WWOX: variants seen among roughly 807,000 people sequenced by gnomAD.
WWOX encodes the protein WW domain-containing oxidoreductase.
In WWOX, 69 loss-of-function variants were observed where a neutral mutation model predicts 46.2. The observed-to-expected ratio is 1.49, with a 90% CI of 1.23 to 1.82. The LOEUF (loss-of-function observed/expected upper bound fraction) is 1.82, where lower values mean the gene tolerates loss of function less well. WWOX is among the 40% of genes most tolerant of loss of function. The pLI, the probability that WWOX is intolerant of heterozygous loss-of-function variation, is 0.00. For missense variants in WWOX, 919 were observed against 542.6 expected, an observed-to-expected ratio of 1.69 and a Z score of -6.89; for synonymous variants, 359 against 202.6, an observed-to-expected ratio of 1.77 and a Z score of -6.56.
chr16:79,047,233 C>A (rs1037853163), intron 8 of WWOX, among the ~76,000 whole-genome samples: 3 of 152,046 alleles, frequency 2.0e-5, no homozygotes, highest in Admixed American at 2.0e-4. Flanking sequence ...ATTGTCCTTA[C>A]CCTCATGGAT....
intron 8 of WWOX, among the ~76,000 whole-genome samples, chr16:79,120,974 G>A (rs907313271): frequency 4.6e-5 from 7 of 152,166 alleles, no homozygotes; most frequent in Admixed American, 2.0e-4. Context: ...TCACCATGTT[G>A]GCCAGGCTGG....
At chr16:79,180,126 C>G (rs138498742) in intron 8 of WWOX, among the ~76,000 whole-genome samples, 89 of 152,272 alleles carry the variant, frequency 5.8e-4, no homozygotes, top group African/African-American at 1.9e-3. Context: ...TTAGAAGAGA[C>G]TCTGGGGAAT....
chr16:79,002,909 G>A (rs62038700), intron 8 of WWOX, among the ~76,000 whole-genome samples: 2,970 of 152,302 alleles, frequency 0.02, 57 homozygotes, highest in Non-Finnish European at 0.031. Context: ...CCTGTACTCC[G>A]TAATGCAGAA....
chr16:78,772,574 A>G lies in WWOX; in HGVS notation c.1056+339822A>G, dbSNP rs183900814. ...TATTATCTTCCCTTTTGTAGGTAAC[A>G]AATACTTTGGAAGAGATTAAACAAA... On this transcript the variant is annotated intron_variant, in intron 8 of 8. Coordinates refer to ENST00000566780, the MANE Select transcript of WWOX (RefSeq NM_016373.4). Among the ~76,000 whole-genome samples the G allele has an allele frequency of 3.6e-4, 55 of 152,326 alleles. 1 individual carries two copies. In the East Asian group the frequency reaches 6.0e-3, roughly 17 times the overall value.
At chr16:78,380,119 C>CGAGGGAAA (rs1262073160) in intron 5 of WWOX, among the ~76,000 whole-genome samples, 13 of 152,312 alleles carry the variant, frequency 8.5e-5, no homozygotes, top group African/African-American at 2.9e-4. Context: ...GAGAAGTGTA[C>CGAGGGAAA]TTGGGCTACC....
intron 6 of WWOX, among the ~76,000 whole-genome samples, chr16:78,411,484 G>T (rs988813876): frequency 6.6e-6 from 1 of 152,142 alleles, no homozygotes; most frequent in Non-Finnish European, 1.5e-5. Flanking sequence ...CAAGTGAGGG[G>T]CGTACTCATC....
chr16:78,451,952 A>G (rs79418583), intron 8 of WWOX, among the ~76,000 whole-genome samples: 3,035 of 152,220 alleles, frequency 0.02, 40 homozygotes, highest in African/African-American at 0.041. Flanking sequence ...TTAGTTCAAC[A>G]CTGTCTTTTT....
chr16:78,440,628 T>TTTTTA (rs2083423653), intron 8 of WWOX, among the ~76,000 whole-genome samples: 4 of 150,466 alleles, frequency 2.7e-5, no homozygotes, highest in African/African-American at 7.5e-5. Context: ...TTTTTTTCTT[T>TTTTTA]TTTTTTGAGA....
chr16:78,228,921 A>T (rs552449042), intron 5 of WWOX, among the ~76,000 whole-genome samples: 1 of 152,302 alleles, frequency 6.6e-6, no homozygotes, highest in East Asian at 1.9e-4. Context: ...TGTGGTGATT[A>T]TGCGGAAGGT....
At chr16:78,955,707 T>A (rs2046151947) in intron 8 of WWOX, among the ~76,000 whole-genome samples, 1 of 151,856 alleles carries the variant, frequency 6.6e-6, no homozygotes, top group Admixed American at 6.6e-5. Flanking sequence ...CTGGATGGAG[T>A]GCAGTGGCCC....
chr16:79,022,021 G>C (rs548995357), intron 8 of WWOX, among the ~76,000 whole-genome samples: 1 of 152,320 alleles, frequency 6.6e-6, no homozygotes, highest in South Asian at 2.1e-4. Flanking sequence ...ATATTGACCA[G>C]CTTTGACACA....
rs184237180 is a variant in WWOX at position 78,437,029 on chromosome 16, C to G, written c.1056+4277C>G. Among the ~76,000 whole-genome samples, 89 of 152,316 alleles carry G rather than the reference C, an allele frequency of 5.8e-4. 1 individual carries two copies. Among genetic ancestry groups the G allele is most frequent in the Admixed American group, 1.4e-3 (22 of 15,304 alleles). On this transcript the variant is annotated intron_variant, in intron 8 of 8. Transcript: ENST00000566780. ...CCTATCACCAGATGGCTAGTGTGCT[C>G]TGCCTTGTCTGCCTTTTACCTTAGA...
chr16:78,665,934 C>T (rs918859598), intron 8 of WWOX, among the ~76,000 whole-genome samples: 5 of 151,940 alleles, frequency 3.3e-5, no homozygotes, highest in African/African-American at 1.2e-4. Flanking sequence ...ATCTGCCCAC[C>T]TTGGCCTCCC....
At chr16:78,944,793 G>A (rs2045918602) in intron 8 of WWOX, among the ~76,000 whole-genome samples, 1 of 152,176 alleles carries the variant, frequency 6.6e-6, no homozygotes, top group Non-Finnish European at 1.5e-5. Context: ...CCCTGTAAGT[G>A]AAATTGGAGA....
Position 78,327,080 on chromosome 16 carries a change from C to T in WWOX, c.517-59780C>T, listed in dbSNP as rs115158218. Among the ~76,000 whole-genome samples, 434 of 152,312 alleles carry T rather than the reference C, an allele frequency of 2.8e-3. 4 individuals carry two copies. Among genetic ancestry groups the T allele is most frequent in the African/African-American group, 9.9e-3 (412 of 41,578 alleles). On this transcript the variant is annotated intron_variant, in intron 5 of 8. Transcript: ENST00000566780. ...GCACTGCCCCCCAGGAGCATCCATG[C>T]ACCTCAAATCCTGACCTTGTGACTT...
At chr16:78,237,691 A>G (rs1255351918) in intron 5 of WWOX, 1 of 152,220 alleles carries the variant, frequency 6.6e-6, no homozygotes, top group Non-Finnish European at 1.5e-5. Context: ...ATCTGCAAAA[A>G]AGAATAAAGA....
intron 8 of WWOX, among the ~76,000 whole-genome samples, chr16:78,889,362 G>A (rs528564606): frequency 1.8e-5 from 2 of 109,922 alleles, no homozygotes; most frequent in African/African-American, 7.5e-5. Context: ...CCCCCGCCCC[G>A]ATTTATACTA....
intron 5 of WWOX, among the ~76,000 whole-genome samples, chr16:78,320,455 C>T (rs1051310249): frequency 1.3e-5 from 2 of 152,126 alleles, no homozygotes; most frequent in East Asian, 3.9e-4. Flanking sequence ...TTTTAAGTCC[C>T]TAGCTGTTTC....
chr16:79,055,948 A>G (rs2048253946), intron 8 of WWOX, among the ~76,000 whole-genome samples: 1 of 152,196 alleles, frequency 6.6e-6, no homozygotes, highest in Non-Finnish European at 1.5e-5. Context: ...TCTCATAAAT[A>G]TTTGAGCTCC....
Sources: gnomAD v4.1 joint callset for allele counts (sites outside exome capture counted in the v4.1 genomes callset) on GRCh38, gnomAD v4.1.1 for gene constraint, MANE v1.5 for transcripts, NCBI Gene and HGNC (gene_info 2026-07-23, HGNC 2026-07-21) for gene names.